The following AHDC1 variants were observed in gnomAD, a reference collection of about 807,000 sequenced individuals.
AHDC1 encodes the protein AT-hook DNA binding motif containing 1, also known as transcription factor Gibbin.
A neutral mutation model predicts 87.9 loss-of-function variants in AHDC1; 7 were observed. That is an observed-to-expected ratio of 0.08 (90% CI 0.05 to 0.15). The LOEUF is 0.15. AHDC1 is among the 10% of genes least tolerant of loss of function. The pLI is 1.00. For synonymous variants in AHDC1, 1,051 were observed against 1,006.8 expected (o/e 1.04, Z -0.83); for missense variants, 1,841 against 2,253.2 (o/e 0.82, Z 3.70).
At chr1:27,584,641 C>T (rs2088996482) in intron 3 of AHDC1, among the ~76,000 whole-genome samples, 1 of 152,186 alleles carries the variant, frequency 6.6e-6, no homozygotes, top group Admixed American at 6.5e-5. Context: ...GTGGCCAGCA[C>T]TGTAGCGGGG....
At chr1:27,568,666 C>T (rs930938510) in intron 3 of AHDC1, among the ~76,000 whole-genome samples, 7 of 151,844 alleles carry the variant, frequency 4.6e-5, no homozygotes, top group Non-Finnish European at 1.0e-4. Context: ...GTCGGGGCTT[C>T]GGACACGCCC....
chr1:27,571,894 A>T (rs1323727183), intron 3 of AHDC1, among the ~76,000 whole-genome samples: 1 of 152,154 alleles, frequency 6.6e-6, no homozygotes, highest in East Asian at 1.9e-4. Flanking sequence ...CTAGGAAACC[A>T]GCAGCCGCGT....
At chr1:27,602,777 C>T (rs1469574997) in intron 3 of AHDC1, among the ~76,000 whole-genome samples, 1 of 152,142 alleles carries the variant, frequency 6.6e-6, no homozygotes, top group Non-Finnish European at 1.5e-5. Flanking sequence ...GCGGCCCAAC[C>T]CCTCCAGCCC....
rs1208071899 is a variant in AHDC1, at chr1:27,550,283, C to T, written c.1833G>A (p.Glu611=). The change falls in exon 8 of 9, where the codon GAG becomes GAA. Residue 611 remains glutamate, a synonymous_variant. Coordinates refer to ENST00000673934, the MANE Select transcript of AHDC1 (RefSeq NM_001371928.1). ...YAADANDSKA[E]YSDVLAKLAF... is the part of the protein sequence containing the mutation. Reference sequence around the variant, plus strand: ...CCAGCTTGGCCAGGACGTCTGAGTACTCGGCCTTGCTGTCGTTGGCGTCTG... The same window carrying T: ...CCAGCTTGGCCAGGACGTCTGAGTATTCGGCCTTGCTGTCGTTGGCGTCTG... The T allele has an allele frequency of 1.2e-6, 2 of 1,613,972 alleles. No homozygotes were observed. Among genetic ancestry groups the T allele is most frequent in the Non-Finnish European group, 8.5e-7 (1 of 1,179,998 alleles).
chr1:27,585,487 T>C (rs190836775), intron 3 of AHDC1, among the ~76,000 whole-genome samples: 2 of 152,276 alleles, frequency 1.3e-5, no homozygotes, highest in Admixed American at 6.5e-5. Context: ...ATCTGGAACA[T>C]AGTAAACACT....
chr1:27,550,893 C>A lies in AHDC1; in HGVS notation c.1223G>T (p.Gly408Val). The change falls in exon 8 of 9, where the codon GGA becomes GTA. Residue 408 changes from glycine to valine, a missense_variant. Physicochemically the swap from Gly to Val is moderately radical, Grantham distance 109. Transcript: ENST00000673934. ...CAGGGGCAGTAGGCGGCCCTCGGGT[C>A]CGGCGTCTGCCTTGCGTCCCCGTCC... ...KAGRGRKADA[G>V]PEGRLLPLPM... 1 of 1,590,826 alleles carries A rather than the reference C, an allele frequency of 6.3e-7. No homozygotes were observed. Among genetic ancestry groups the A allele is most frequent in the South Asian group, 1.1e-5 (1 of 89,126 alleles).
At chr1:27,582,952 A>G (rs2148444549) in intron 3 of AHDC1, among the ~76,000 whole-genome samples, 1 of 152,140 alleles carries the variant, frequency 6.6e-6, no homozygotes, top group African/African-American at 2.4e-5. Flanking sequence ...TTCCTCTGTC[A>G]CCCAGGCTGC....
At chr1:27,543,948 GA>G (rs113660977) in intron 8 of AHDC1, among the ~76,000 whole-genome samples, 375 of 127,420 alleles carry the variant, frequency 2.9e-3, no homozygotes, top group South Asian at 3.8e-3. Flanking sequence ...ATCTCAAAAA[GA>G]AAAAAAAAAA....
chr1:27,574,753 GT>G (rs2148411654), intron 3 of AHDC1, among the ~76,000 whole-genome samples: 1 of 152,314 alleles, frequency 6.6e-6, no homozygotes, highest in Non-Finnish European at 1.5e-5. Flanking sequence ...GAACAAAGTT[GT>G]GGGAAAGCGT....
intron 3 of AHDC1, among the ~76,000 whole-genome samples, chr1:27,566,656 G>C (rs2020330797): frequency 7.0e-6 from 1 of 142,474 alleles, no homozygotes. Context: ...AACAGCAGTA[G>C]GCAGAGGTGA....
At chr1:27,555,158 C>T (rs2019761849) in intron 5 of AHDC1, among the ~76,000 whole-genome samples, 3 of 152,234 alleles carry the variant, frequency 2.0e-5, no homozygotes, top group Admixed American at 2.0e-4. Context: ...AAAGCCTGGG[C>T]CTGGGGGAGC....
chr1:27,574,549 T>C (rs2088647955), intron 3 of AHDC1, among the ~76,000 whole-genome samples: 1 of 152,194 alleles, frequency 6.6e-6, no homozygotes, highest in Non-Finnish European at 1.5e-5. Context: ...GAGTGGCAAC[T>C]GTGGCATAGG....
intron 8 of AHDC1, among the ~76,000 whole-genome samples, chr1:27,544,578 C>T (rs748977839): frequency 1.9e-4 from 29 of 152,200 alleles, no homozygotes; most frequent in Non-Finnish European, 3.8e-4. Flanking sequence ...GTGTCCTTGT[C>T]CTCTCTGCTT....
rs1169267239 is a variant in AHDC1, at chr1:27,547,565, C to T, written c.4551G>A (p.Glu1517=). 1 of 1,610,596 alleles carries T rather than the reference C, an allele frequency of 6.2e-7. No homozygotes were observed. The highest frequency in any genetic ancestry group is 8.5e-7 in the Non-Finnish European group (1 of 1,178,940). The change falls in exon 8 of 9, where the codon GAG becomes GAA. Residue 1517 remains glutamate (E), a synonymous_variant. Transcript: ENST00000673934. This position sits in a 1 kb window ranked among gnomAD's most constrained non-coding sequence, Gnocchi z 4.9. ...SPPATPKADK[E]PLEMARPPGP... is the part of the protein sequence containing the mutation. The stretch of plus-strand genomic sequence containing the variant: ...CAGGGGGCCGGGCCATTTCCAGTGG[C>T]TCCTTGTCGGCCTTGGGCGTGGCTG...
intron 5 of AHDC1, among the ~76,000 whole-genome samples, chr1:27,554,385 T>G (rs1217139845): frequency 6.6e-6 from 1 of 152,232 alleles, no homozygotes; most frequent in Non-Finnish European, 1.5e-5. Context: ...GGCTGTTTAG[T>G]GTGTCCCCCA....
At chr1:27,580,697 G>A (rs1402425745) in intron 3 of AHDC1, among the ~76,000 whole-genome samples, 1 of 152,180 alleles carries the variant, frequency 6.6e-6, no homozygotes, top group Non-Finnish European at 1.5e-5. Flanking sequence ...AGATCATGAG[G>A]TATATTGCTC....
chr1:27,577,631 C>T (rs2088793322), intron 3 of AHDC1, among the ~76,000 whole-genome samples: 1 of 152,236 alleles, frequency 6.6e-6, no homozygotes, highest in South Asian at 2.1e-4. Flanking sequence ...AGGCCCCCCA[C>T]TCCGCCCCGG....
At chr1:27,567,695 C>T (rs900906567) in intron 3 of AHDC1, among the ~76,000 whole-genome samples, 5 of 152,210 alleles carry the variant, frequency 3.3e-5, no homozygotes, top group Admixed American at 6.5e-5. Context: ...ATCATTATGT[C>T]CCCAACACAA....
At chr1:27,570,289 C>T (rs2020510545) in intron 3 of AHDC1, among the ~76,000 whole-genome samples, 1 of 152,064 alleles carries the variant, frequency 6.6e-6, no homozygotes, top group Non-Finnish European at 1.5e-5. Flanking sequence ...GCAAACTCCC[C>T]CTTGAGCTGG....
Sources: allele counts gnomAD v4.1 joint callset (sites outside exome capture counted in the v4.1 genomes callset), GRCh38; gene constraint gnomAD v4.1.1; non-coding constraint Gnocchi (gnomAD v3.1); transcripts MANE v1.5; gene names NCBI Gene and HGNC (gene_info 2026-07-23, HGNC 2026-07-21).